The following PCDH15 variants were observed in gnomAD, a reference collection of about 807,000 sequenced individuals.
PCDH15 encodes the protein protocadherin-15.
A neutral mutation model predicts 178.5 loss-of-function variants in PCDH15; 129 were observed. The ratio of observed to expected loss-of-function variants is 0.72; its 90% CI spans 0.63 to 0.84. The LOEUF is 0.84. Among genes scored for constraint, PCDH15 ranks in the 40% least tolerant of loss-of-function variants. The pLI is 0.00. For missense variants in PCDH15, 2,230 were observed against 2,099.9 expected, an observed-to-expected ratio of 1.06 and a Z score of -1.21; for synonymous variants, 800 against 732.0, an observed-to-expected ratio of 1.09 and a Z score of -1.50.
intron 3 of PCDH15, among the ~76,000 whole-genome samples, chr10:54,389,938 G>A (rs932809103): frequency 6.6e-6 from 1 of 151,984 alleles, no homozygotes; most frequent in Non-Finnish European, 1.5e-5. Context: ...GTGAGACTCC[G>A]TCTTAAAATA....
At chr10:54,306,796 C>A (rs145150159) in intron 8 of PCDH15, among the ~76,000 whole-genome samples, 102 of 151,026 alleles carry the variant, frequency 6.8e-4, no homozygotes, top group African/African-American at 1.8e-3. Context: ...GTTAAAAAGA[C>A]AAAGAATTAC....
chr10:54,878,530 G>C (rs1056904002), intron 3 of PCDH15, among the ~76,000 whole-genome samples: 1 of 151,960 alleles, frequency 6.6e-6, no homozygotes, highest in East Asian at 1.9e-4. Context: ...AGAGATCTTC[G>C]AGACTTTGAA....
chr10:53,825,090 T>A (rs145964073), intron 32 of PCDH15: 27,432 of 1,517,026 alleles, frequency 0.018, 301 homozygotes, highest in Non-Finnish European at 0.022. Flanking sequence ...TTCTATTGTA[T>A]CTATTTTTCT....
intron 2 of PCDH15, among the ~76,000 whole-genome samples, chr10:55,431,342 A>G (rs1838876043): frequency 6.6e-6 from 1 of 152,142 alleles, no homozygotes; most frequent in Admixed American, 6.5e-5. Flanking sequence ...ATGAAACTGC[A>G]TAGCTTGTTT....
At chr10:54,640,147 T>C (rs1293912615) in intron 2 of PCDH15, among the ~76,000 whole-genome samples, 2 of 151,988 alleles carry the variant, frequency 1.3e-5, no homozygotes, top group African/African-American at 4.8e-5. Flanking sequence ...TTGAGAAAAA[T>C]AATTTATAGT....
rs138764335 is a variant in PCDH15 at position 55,159,425 on chromosome 10, A to G, written c.-80+7151T>C. ...CATTATATATATTATAAAGATATATATCTATATCTACCTATACATACACTA... is the reference window on the plus strand; with the variant it reads ...CATTATATATATTATAAAGATATATGTCTATATCTACCTATACATACACTA... On this transcript the variant is annotated intron_variant, in intron 2 of 5. Transcript: ENST00000458638. 7.9e-3 allele frequency among the ~76,000 whole-genome samples: 1,118 copies of G among 141,930 alleles called. 43 individuals carry two copies. Among genetic ancestry groups the G allele is most frequent in the Admixed American group, 0.069 (941 of 13,720 alleles). 93.1% of individuals were successfully genotyped at this position (141,930 alleles called of 152,430 possible). A position where few individuals can be genotyped will look rare whatever the true frequency, so the allele number is the denominator to read the frequency against.
At chr10:53,926,635 A>G (rs2084576769) in intron 25 of PCDH15, among the ~76,000 whole-genome samples, 1 of 152,232 alleles carries the variant, frequency 6.6e-6, no homozygotes, top group South Asian at 2.1e-4. Flanking sequence ...TTAAATTTAT[A>G]CAACCAAGCT....
chr10:55,213,561 G>A (rs1591993819), intron 1 of PCDH15, among the ~76,000 whole-genome samples: 1 of 151,482 alleles, frequency 6.6e-6, no homozygotes, highest in South Asian at 2.1e-4. Context: ...GTGTTTTTTA[G>A]TGTTTACATT....
chr10:54,107,810 G>C (rs1225446385), intron 15 of PCDH15, among the ~76,000 whole-genome samples: 3 of 152,126 alleles, frequency 2.0e-5, no homozygotes, highest in Non-Finnish European at 4.4e-5. Context: ...TTGGAAAAGG[G>C]TTGCCACAGC....
chr10:55,567,202 G>T (rs1265785422), intron 2 of PCDH15, among the ~76,000 whole-genome samples: 1 of 151,918 alleles, frequency 6.6e-6, no homozygotes, highest in Non-Finnish European at 1.5e-5. Flanking sequence ...TTCAATAAAT[G>T]TTGCAGGGAA....
chr10:53,823,873 T>TA (rs1459411132), intron 32 of PCDH15: 2 of 442,038 alleles, frequency 4.5e-6, no homozygotes, highest in African/African-American at 2.0e-5. Context: ...TTAAGAGAAT[T>TA]AAAATCACCA....
At chr10:54,111,853 G>T (rs916292393) in intron 15 of PCDH15, among the ~76,000 whole-genome samples, 4 of 151,786 alleles carry the variant, frequency 2.6e-5, no homozygotes, top group African/African-American at 7.3e-5. Context: ...TTGGCCAGGC[G>T]TGGTGGCTCA....
chr10:54,462,107 T>G (rs1375115176), intron 3 of PCDH15, among the ~76,000 whole-genome samples: 2 of 152,118 alleles, frequency 1.3e-5, no homozygotes, highest in African/African-American at 4.8e-5. Flanking sequence ...CAGCTTTCAA[T>G]TTCTCATACC....
At chr10:55,627,182 T>C (rs536061934) in intron 2 of PCDH15, among the ~76,000 whole-genome samples, 1 of 141,854 alleles carries the variant, frequency 7.0e-6, no homozygotes, top group South Asian at 2.4e-4. Context: ...CAAGTCTCCA[T>C]TCACTACATG....
At chr10:55,337,568 A>C (rs12146403) in intron 2 of PCDH15, among the ~76,000 whole-genome samples, 83,073 of 152,042 alleles carry the variant, frequency 0.55, 23,187 homozygotes, top group African/African-American at 0.64. Context: ...GCAAGGGATT[A>C]GTTTATAAAT....
intron 21 of PCDH15, among the ~76,000 whole-genome samples, chr10:53,985,917 T>C (rs891560710): frequency 3.3e-5 from 5 of 152,184 alleles, no homozygotes; most frequent in Non-Finnish European, 7.4e-5. Context: ...ATATATATTA[T>C]TTACTATGTA....
intron 1 of PCDH15, among the ~76,000 whole-genome samples, chr10:55,310,202 T>C (rs113553149): frequency 2.6e-5 from 4 of 152,314 alleles, no homozygotes; most frequent in Admixed American, 6.5e-5. Flanking sequence ...TTATTTCTTA[T>C]AAGTCAGCCT....
intron 21 of PCDH15, among the ~76,000 whole-genome samples, chr10:53,968,718 G>A (rs568525769): frequency 3.9e-5 from 6 of 152,258 alleles, no homozygotes; most frequent in East Asian, 3.9e-4. Flanking sequence ...TGCAGCCTCC[G>A]CTAGTGATAC....
intron 8 of PCDH15, among the ~76,000 whole-genome samples, chr10:54,293,246 G>C (rs1259705753): frequency 1.3e-5 from 2 of 152,176 alleles, no homozygotes; most frequent in African/African-American, 4.8e-5. Context: ...AATGGTGCTA[G>C]GAAAACTGGC....
Sources: gnomAD v4.1 joint callset for allele counts (sites outside exome capture counted in the v4.1 genomes callset) on GRCh38, gnomAD v4.1.1 for gene constraint, MANE v1.5 for transcripts, NCBI Gene and HGNC (gene_info 2026-07-23, HGNC 2026-07-21) for gene names.